Variants in PLEKHG1 observed in about 807,000 individuals in gnomAD.
The protein encoded by PLEKHG1 is pleckstrin homology and RhoGEF domain containing G1.
Under a neutral mutation model 100.8 loss-of-function variants are expected in PLEKHG1, and 44 were observed. The observed-to-expected ratio is 0.44, with a 90% CI of 0.34 to 0.56. The LOEUF (loss-of-function observed/expected upper bound fraction) is 0.56. Ranked by LOEUF, PLEKHG1 falls within the 20% of genes least tolerant of loss-of-function variation. PLEKHG1 has a pLI of 0.01. For synonymous variants in PLEKHG1, 640 were observed against 662.5 expected, an observed-to-expected ratio of 0.97 and a Z score of 0.52; for missense variants, 1,545 against 1,720.9, an observed-to-expected ratio of 0.90 and a Z score of 1.81.
chr6:150,771,601 A>C (rs574876866), intron 3 of PLEKHG1, among the ~76,000 whole-genome samples: 25 of 151,272 alleles, frequency 1.7e-4, no homozygotes, highest in Non-Finnish European at 2.9e-5. Flanking sequence ...GCTGGAGTGC[A>C]GTGGCGCAGT....
At chr6:150,779,048 C>G (rs774628677) in intron 3 of PLEKHG1, among the ~76,000 whole-genome samples, 3 of 152,120 alleles carry the variant, frequency 2.0e-5, no homozygotes, top group Non-Finnish European at 4.4e-5. Context: ...CTGAATCTAA[C>G]CATGACTGTG....
At chr6:150,822,666 G>A (rs908485150) in intron 13 of PLEKHG1, among the ~76,000 whole-genome samples, 1 of 152,184 alleles carries the variant, frequency 6.6e-6, no homozygotes, top group South Asian at 2.1e-4. Flanking sequence ...ATACAAAGTT[G>A]CATATTGAAT....
intron 2 of PLEKHG1, among the ~76,000 whole-genome samples, chr6:150,744,336 A>G (rs59183592): frequency 0.018 from 2,756 of 152,250 alleles, 82 homozygotes; most frequent in African/African-American, 0.063. Flanking sequence ...GGCCTCCCAA[A>G]GTGTTGGGAT....
intron 7 of PLEKHG1, among the ~76,000 whole-genome samples, chr6:150,807,454 T>G (rs1010848826): frequency 6.6e-6 from 1 of 152,198 alleles, no homozygotes; most frequent in African/African-American, 2.4e-5. Context: ...CCAGTAAAGT[T>G]TTTTGTTGTC....
intron 1 of PLEKHG1, among the ~76,000 whole-genome samples, chr6:150,605,026 C>G (rs1439629810): frequency 6.6e-6 from 1 of 152,178 alleles, no homozygotes; most frequent in Admixed American, 6.5e-5. Context: ...TCGTTCCACA[C>G]AAAGTTGAAA....
chr6:150,609,880 A>C (rs758755420), intron 1 of PLEKHG1, among the ~76,000 whole-genome samples: 3 of 152,158 alleles, frequency 2.0e-5, no homozygotes, highest in Non-Finnish European at 4.4e-5. Flanking sequence ...CAGCATAGCT[A>C]CTGTTGCTGG....
intron 3 of PLEKHG1, among the ~76,000 whole-genome samples, chr6:150,781,908 A>T (rs1785334964): frequency 6.6e-6 from 1 of 151,150 alleles, no homozygotes; most frequent in Admixed American, 6.6e-5. Flanking sequence ...AATAGCTGGG[A>T]CTACAGGTGC....
intron 1 of PLEKHG1, among the ~76,000 whole-genome samples, chr6:150,607,255 G>A (rs981057621): frequency 6.6e-6 from 1 of 152,106 alleles, no homozygotes; most frequent in East Asian, 1.9e-4. Context: ...AGCAGAGGGA[G>A]AATGGGGAAG....
intron 1 of PLEKHG1, among the ~76,000 whole-genome samples, chr6:150,603,275 C>T (rs1043882058): frequency 2.0e-5 from 3 of 152,116 alleles, no homozygotes; most frequent in African/African-American, 7.2e-5. Context: ...ATTAATGTTT[C>T]ATCACAGGCT....
intron 1 of PLEKHG1, among the ~76,000 whole-genome samples, chr6:150,603,060 C>T (rs548155689): frequency 3.4e-5 from 4 of 118,110 alleles, no homozygotes; most frequent in Non-Finnish European, 4.9e-5. Context: ...CCAACCTGGG[C>T]GACAGCGAGA....
intron 1 of PLEKHG1, among the ~76,000 whole-genome samples, chr6:150,626,517 C>T (rs181164959): frequency 1.1e-4 from 17 of 152,250 alleles, no homozygotes; most frequent in South Asian, 8.3e-4. Context: ...CCGGGCTCTC[C>T]GGAGTGAAGG....
intron 3 of PLEKHG1, among the ~76,000 whole-genome samples, chr6:150,671,649 T>C (rs1779586366): frequency 6.6e-6 from 1 of 152,124 alleles, no homozygotes; most frequent in African/African-American, 2.4e-5. Flanking sequence ...AAGATAACAG[T>C]TTAAAAAACC....
intron 4 of PLEKHG1, among the ~76,000 whole-genome samples, chr6:150,792,623 G>A (rs541556290): frequency 3.3e-5 from 5 of 151,948 alleles, no homozygotes; most frequent in African/African-American, 1.2e-4. Flanking sequence ...GCAGTGAACC[G>A]AGATTGCACC....
intron 1 of PLEKHG1, among the ~76,000 whole-genome samples, chr6:150,629,768 A>G (rs2128561042): frequency 6.6e-6 from 1 of 152,266 alleles, no homozygotes; most frequent in South Asian, 2.1e-4. Flanking sequence ...TGAATCATCC[A>G]TTTTTTAAAA....
intron 7 of PLEKHG1, among the ~76,000 whole-genome samples, chr6:150,808,219 A>T (rs1465497361): frequency 6.6e-6 from 1 of 152,040 alleles, no homozygotes; most frequent in African/African-American, 2.4e-5. Flanking sequence ...AAATTTTAAA[A>T]TTTTAACAAA....
intron 1 of PLEKHG1, among the ~76,000 whole-genome samples, chr6:150,723,028 C>T: frequency 6.6e-6 from 1 of 152,142 alleles, no homozygotes; most frequent in African/African-American, 2.4e-5. Flanking sequence ...CAAGACCTGG[C>T]ATTCGTAGGA....
At chr6:150,768,731 T>G in exon 3 of PLEKHG1, 1 of 1,537,876 alleles carries the variant, frequency 6.5e-7, no homozygotes, top group Non-Finnish European at 9.0e-7. Context: ...TATCTACCAC[T>G]TCAATAGGTA....
chr6:150,765,432 C>T (rs1285688648), intron 2 of PLEKHG1, among the ~76,000 whole-genome samples: 1 of 148,736 alleles, frequency 6.7e-6, no homozygotes, highest in African/African-American at 2.5e-5. Context: ...AGGTGGAGGT[C>T]GTAGTGAGCC....
intron 3 of PLEKHG1, among the ~76,000 whole-genome samples, chr6:150,777,918 T>G (rs1785084668): frequency 6.6e-6 from 1 of 152,274 alleles, no homozygotes; most frequent in Admixed American, 6.5e-5. Flanking sequence ...ATCCCGTGTC[T>G]GGTATTTAGG....
Sources: allele counts gnomAD v4.1 joint callset (sites outside exome capture counted in the v4.1 genomes callset), GRCh38; gene constraint gnomAD v4.1.1; transcripts MANE v1.5; gene names NCBI Gene and HGNC (gene_info 2026-07-23, HGNC 2026-07-21).